ARIH1: variants seen among roughly 807,000 people sequenced by gnomAD.
The protein encoded by ARIH1 is E3 ubiquitin-protein ligase ARIH1.
ARIH1 carries 8 observed loss-of-function variants against 85.0 expected under a neutral mutation model. The observed-to-expected ratio is 0.09, with a 90% CI of 0.06 to 0.17. ARIH1 has a LOEUF of 0.17. Among genes scored for constraint, ARIH1 ranks in the 10% least tolerant of loss-of-function variants. The pLI is 1.00. For synonymous variants in ARIH1, 238 were observed against 253.6 expected (o/e 0.94, Z 0.59); for missense variants, 311 against 718.1 (o/e 0.43, Z 6.48).
In ARIH1 at chr15:72,547,421, C is replaced by T. The variant is rs961025321; in HGVS notation, c.588+2457C>T. On this transcript the variant is annotated intron_variant, in intron 3 of 13. Coordinates refer to ENST00000379887, the MANE Select transcript of ARIH1 (RefSeq NM_005744.5). ...CTAATTTTTGTATTTTTAGTAGAGACGGGGTTTCACCATATTGGCCAGGCT... is the reference window on the plus strand; with the variant it reads ...CTAATTTTTGTATTTTTAGTAGAGATGGGGTTTCACCATATTGGCCAGGCT... 5.9e-5 allele frequency among the ~76,000 whole-genome samples: 9 copies of T among 152,132 alleles called. 1 individual carries two copies. The South Asian group carries it at 8.3e-4, about 14-fold the overall frequency.
At chr15:72,514,567 ACGG>A (rs2140409065) in intron 1 of ARIH1, among the ~76,000 whole-genome samples, 1 of 152,068 alleles carries the variant, frequency 6.6e-6, no homozygotes, top group Non-Finnish European at 1.5e-5. Flanking sequence ...TTAGCTGGGC[ACGG>A]TGGTGCATGC....
rs943452301 is a variant in ARIH1 at position 72,598,207 on chromosome 15, T to A, written c.*14915T>A. On this transcript the variant is annotated 3_prime_UTR_variant, in exon 14 of 14. Transcript: ENST00000379887. ...TCTGAGCTCAAGCGATCTGCCTGCC[T>A]CAGCACCCCAAAGTCCTGGGGTTAC... 1 of 152,212 alleles carries A rather than the reference T, an allele frequency of 6.6e-6. No individual in the cohort carries two copies. The highest frequency in any genetic ancestry group is 1.5e-5 in the Non-Finnish European group (1 of 68,080). The allele number at this position is 152,212 out of a possible 1,614,324, so 9.4% of individuals were successfully genotyped here.
chr15:72,495,408 C>T (rs565524385), intron 1 of ARIH1, among the ~76,000 whole-genome samples: 1 of 152,308 alleles, frequency 6.6e-6, no homozygotes, highest in East Asian at 1.9e-4. Context: ...CAGTATTCCC[C>T]ATTTGTCCAA....
intron 2 of ARIH1, among the ~76,000 whole-genome samples, chr15:72,526,144 A>G (rs2064027084): frequency 6.6e-6 from 1 of 152,088 alleles, no homozygotes; most frequent in Non-Finnish European, 1.5e-5. Context: ...ATTTCTCCTT[A>G]TTTCGATATA....
chr15:72,546,376 T>C (rs868250616), intron 3 of ARIH1, among the ~76,000 whole-genome samples: 1 of 152,236 alleles, frequency 6.6e-6, no homozygotes, highest in Admixed American at 6.5e-5. Context: ...CAGTGAGTTA[T>C]TTAGTAGGTA....
chr15:72,478,476 T>C (rs1044741730), intron 1 of ARIH1, among the ~76,000 whole-genome samples: 2 of 152,222 alleles, frequency 1.3e-5, no homozygotes, highest in Non-Finnish European at 2.9e-5. Context: ...AAAAGAACCC[T>C]GTTCAATTCT....
chr15:72,484,205 A>G (rs2063828029), intron 1 of ARIH1, among the ~76,000 whole-genome samples: 1 of 151,900 alleles, frequency 6.6e-6, no homozygotes, highest in South Asian at 2.1e-4. Context: ...AAAGAAAAGA[A>G]AATTGTAGAT....
chr15:72,508,837 G>A lies in ARIH1; in HGVS notation c.376-9230G>A, dbSNP rs140088807. On this transcript the variant is annotated intron_variant, in intron 1 of 13. Transcript: ENST00000379887. ...GACTCCCGAGTAGCTGGGACTACAG[G>A]CATACGCCACCATGCCCGGCTAATT... Among the ~76,000 whole-genome samples the A allele has an allele frequency of 1.8e-3, 276 of 151,990 alleles. 1 individual carries two copies. The highest frequency in any genetic ancestry group is 6.4e-3 in the African/African-American group (265 of 41,464).
chr15:72,549,630 C>A (rs1372101871), intron 3 of ARIH1, among the ~76,000 whole-genome samples: 1 of 152,000 alleles, frequency 6.6e-6, no homozygotes, highest in Non-Finnish European at 1.5e-5. Context: ...GTCATTTGTT[C>A]AATTTTTATA....
intron 3 of ARIH1, among the ~76,000 whole-genome samples, chr15:72,552,619 A>G (rs945688393): frequency 1.3e-5 from 2 of 151,916 alleles, no homozygotes; most frequent in Admixed American, 6.6e-5. Flanking sequence ...AACAACAACA[A>G]AAAAAAACAA....
At chr15:72,486,347 T>G (rs544263383) in intron 1 of ARIH1, among the ~76,000 whole-genome samples, 1 of 152,322 alleles carries the variant, frequency 6.6e-6, no homozygotes, top group South Asian at 2.1e-4. Flanking sequence ...AATCATCCCT[T>G]TATCCAGTAT....
chr15:72,583,025 A>G (rs368423915), intron 13 of ARIH1, among the ~76,000 whole-genome samples, 183 bp from the exon 14 acceptor site: 19 of 152,350 alleles, frequency 1.2e-4, no homozygotes, highest in Admixed American at 8.5e-4. Flanking sequence ...TACCATTTTA[A>G]TATTAGAAGC....
At position 72,592,634 on chromosome 15, in the gene ARIH1, C is replaced by T. The variant is rs2064347688; in HGVS notation, c.*9342C>T. The T allele has an allele frequency of 6.6e-6, 1 of 152,158 alleles. No individual in the cohort carries two copies. Among genetic ancestry groups the T allele is most frequent in the African/African-American group, 2.4e-5 (1 of 41,434 alleles). The allele number at this position is 152,158 out of a possible 1,614,324, so 9.4% of individuals were successfully genotyped here. A position where few individuals can be genotyped will look rare whatever the true frequency, so the allele number is the denominator to read the frequency against. On this transcript the variant is annotated 3_prime_UTR_variant, in exon 14 of 14. Coordinates refer to ENST00000379887, the MANE Select transcript of ARIH1 (RefSeq NM_005744.5). The stretch of plus-strand genomic sequence containing the variant: ...TTTTTATCACTAAAGATTTGTTGTA[C>T]CTGCTTTTGGATTACATATAAGTGG...
At chr15:72,531,576 A>G (rs997707382) in intron 2 of ARIH1, among the ~76,000 whole-genome samples, 3 of 152,172 alleles carry the variant, frequency 2.0e-5, no homozygotes, top group Non-Finnish European at 4.4e-5. Flanking sequence ...CCAGAAATCC[A>G]CATTTAAAAA....
chr15:72,586,731 A>C lies in ARIH1; in HGVS notation c.*3439A>C, dbSNP rs1204522393. 1.3e-5 allele frequency: 2 copies of C among 154,000 alleles called. No homozygotes were observed. The highest frequency in any genetic ancestry group is 4.8e-5 in the African/African-American group (2 of 41,466). 9.5% of individuals were successfully genotyped at this position (154,000 alleles called of 1,614,324 possible). A position where few individuals can be genotyped will look rare whatever the true frequency, so the allele number is the denominator to read the frequency against. The stretch of plus-strand genomic sequence containing the variant: ...ATTCCCCCAACATTTAACTTGGTTA[A>C]TGAAGCTTTCAGAGCATTTTCTGAA... On this transcript the variant is annotated 3_prime_UTR_variant, in exon 14 of 14. Transcript: ENST00000379887.
intron 2 of ARIH1, among the ~76,000 whole-genome samples, chr15:72,519,983 AAC>A (rs1195408739): frequency 6.6e-6 from 1 of 152,184 alleles, no homozygotes. Context: ...TTTATCCTAT[AAC>A]ACTGCTGAAA....
intron 2 of ARIH1, among the ~76,000 whole-genome samples, chr15:72,540,905 A>G (rs751277155): frequency 1.4e-4 from 21 of 152,228 alleles, no homozygotes; most frequent in Non-Finnish European, 2.4e-4. Flanking sequence ...AGTACATGCT[A>G]TCTAAAGCAC....
intron 6 of ARIH1, among the ~76,000 whole-genome samples, chr15:72,561,765 T>C (rs1183211201): frequency 6.6e-6 from 1 of 152,164 alleles, no homozygotes; most frequent in Admixed American, 6.5e-5. Context: ...GTGGATCACC[T>C]GAGATCAGGA....
intron 11 of ARIH1, among the ~76,000 whole-genome samples, chr15:72,574,929 A>C (rs1458129336): frequency 7.4e-6 from 1 of 134,748 alleles, no homozygotes; most frequent in Non-Finnish European, 1.6e-5. Flanking sequence ...CTACAAAAAA[A>C]AAACAAAGAA....
Sources: gnomAD v4.1 joint callset for allele counts (sites outside exome capture counted in the v4.1 genomes callset) on GRCh38, gnomAD v4.1.1 for gene constraint, MANE v1.5 for transcripts, NCBI Gene and HGNC (gene_info 2026-07-23, HGNC 2026-07-21) for gene names.